The following DGKB variants were observed in gnomAD, a reference collection of about 807,000 sequenced individuals.
DGKB encodes 90 kDa diacylglycerol kinase.
DGKB carries 67 observed loss-of-function variants against 114.3 expected under a neutral mutation model. That is an observed-to-expected ratio of 0.59 (90% CI 0.48 to 0.72). The LOEUF (loss-of-function observed/expected upper bound fraction) is 0.72. Ranked by LOEUF, DGKB falls within the 30% of genes least tolerant of loss-of-function variation. DGKB has a pLI of 0.00. For synonymous variants in DGKB, 398 were observed against 323.1 expected (o/e 1.23, Z -2.49); for missense variants, 907 against 975.2 (o/e 0.93, Z 0.93).
At chr7:14,447,977 A>G (rs994523664) in intron 21 of DGKB, among the ~76,000 whole-genome samples, 3 of 152,124 alleles carry the variant, frequency 2.0e-5, no homozygotes, top group Admixed American at 6.6e-5. Flanking sequence ...AGACATTTCA[A>G]TCTCTTTAAA....
intron 1 of DGKB, among the ~76,000 whole-genome samples, chr7:14,842,027 C>G (rs1455338723): frequency 6.6e-6 from 1 of 152,184 alleles, no homozygotes; most frequent in Non-Finnish European, 1.5e-5. Flanking sequence ...AAATAAATCT[C>G]TAGGTTGTCA....
chr7:14,413,057 C>G (rs963298854), intron 21 of DGKB, among the ~76,000 whole-genome samples: 5 of 151,720 alleles, frequency 3.3e-5, no homozygotes, highest in African/African-American at 1.2e-4. Context: ...TGACAGCAGC[C>G]TGGACTAGGA....
Position 14,422,671 on chromosome 7 carries a change from A to G in DGKB, c.1835+55490T>C, listed in dbSNP as rs767408521. Reference sequence around the variant, plus strand: ...TTTTTGTTTGTTTTAGCAGTTAGCTAAAAAGTTTCCCAATTAAAACATTTT... The same window carrying G: ...TTTTTGTTTGTTTTAGCAGTTAGCTGAAAAGTTTCCCAATTAAAACATTTT... On this transcript the variant is annotated intron_variant, in intron 21 of 25. Coordinates refer to ENST00000402815, the MANE Select transcript of DGKB (RefSeq NM_001350709.2). 7.2e-5 allele frequency among the ~76,000 whole-genome samples: 11 copies of G among 151,944 alleles called. 1 individual carries two copies. Among genetic ancestry groups the G allele is most frequent in the Non-Finnish European group, 8.8e-5 (6 of 67,926 alleles).
chr7:14,435,186 A>T (rs940239404), intron 21 of DGKB, among the ~76,000 whole-genome samples: 1 of 152,144 alleles, frequency 6.6e-6, no homozygotes, highest in African/African-American at 2.4e-5. Context: ...TTTCTCCAGA[A>T]ATAAGCATTG....
intron 23 of DGKB, among the ~76,000 whole-genome samples, chr7:14,312,349 G>A (rs150833501): frequency 2.0e-5 from 3 of 152,234 alleles, no homozygotes; most frequent in African/African-American, 7.2e-5. Context: ...ATTTTTATAC[G>A]CATTGTGTTA....
intron 25 of DGKB, among the ~76,000 whole-genome samples, chr7:14,171,545 G>A (rs1426467307): frequency 6.6e-6 from 1 of 152,074 alleles, no homozygotes; most frequent in Non-Finnish European, 1.5e-5. Context: ...AGAGGGAAGT[G>A]GCCCAAAGAA....
intron 17 of DGKB, among the ~76,000 whole-genome samples, chr7:14,593,408 T>C (rs1203644428): frequency 6.6e-6 from 1 of 152,020 alleles, no homozygotes; most frequent in Non-Finnish European, 1.5e-5. Context: ...CCTAAATATT[T>C]TTCCTTTCTT....
chr7:14,418,404 T>C (rs570016991), intron 21 of DGKB, among the ~76,000 whole-genome samples: 2,303 of 147,308 alleles, frequency 0.016, 44 homozygotes, highest in South Asian at 0.033. Flanking sequence ...CACACACACA[T>C]ATATTCATGT....
chr7:14,667,969 C>T (rs944500879), intron 13 of DGKB, among the ~76,000 whole-genome samples: 2 of 151,960 alleles, frequency 1.3e-5, no homozygotes, highest in African/African-American at 4.8e-5. Context: ...GTTCAATTAT[C>T]CTTGATTTCT....
rs935920247 is a variant in DGKB at position 14,879,037 on chromosome 7, T to G, written c.-188+23555A>C. On this transcript the variant is annotated intron_variant, in intron 1 of 25. Coordinates refer to ENST00000402815, the MANE Select transcript of DGKB (RefSeq NM_001350709.2). Reference sequence around the variant, plus strand: ...GTGCTCAAAAACACATGCTTTTATGTTATAGTAAATTAAATACTCATGGTC... The same window carrying G: ...GTGCTCAAAAACACATGCTTTTATGGTATAGTAAATTAAATACTCATGGTC... Among the ~76,000 whole-genome samples the G allele has an allele frequency of 3.9e-5, 6 of 151,910 alleles. 1 individual carries two copies. The highest frequency in any genetic ancestry group is 1.5e-4 in the African/African-American group (6 of 41,182).
At chr7:14,154,952 G>A (rs529945255) in intron 25 of DGKB, among the ~76,000 whole-genome samples, 28 of 151,098 alleles carry the variant, frequency 1.9e-4, no homozygotes, top group African/African-American at 4.9e-4. Context: ...TAGTGTTTTA[G>A]TTCTCCAAAT....
chr7:14,542,034 T>C (rs1793548036), intron 20 of DGKB, among the ~76,000 whole-genome samples: 1 of 152,164 alleles, frequency 6.6e-6, no homozygotes, highest in Admixed American at 6.5e-5. Context: ...CAAATGTAAA[T>C]AGATTTTTTG....
intron 1 of DGKB, among the ~76,000 whole-genome samples, chr7:14,865,074 A>G (rs1851513605): frequency 9.8e-6 from 1 of 101,744 alleles, no homozygotes; most frequent in South Asian, 4.6e-4. Flanking sequence ...TAAAATTGTA[A>G]AGAATTGATG....
intron 21 of DGKB, among the ~76,000 whole-genome samples, chr7:14,457,549 G>T (rs1198103939): frequency 6.6e-6 from 1 of 152,170 alleles, no homozygotes; most frequent in African/African-American, 2.4e-5. Context: ...ACTGATCTCA[G>T]TTCCAACTAG....
chr7:14,522,959 AC>A (rs1483432275), intron 20 of DGKB, among the ~76,000 whole-genome samples: 1 of 152,212 alleles, frequency 6.6e-6, no homozygotes, highest in Non-Finnish European at 1.5e-5. Flanking sequence ...AAAGTTAATG[AC>A]CAAGTTGAAT....
intron 1 of DGKB, among the ~76,000 whole-genome samples, chr7:14,972,357 G>A (rs868420557): frequency 1.3e-5 from 2 of 152,124 alleles, no homozygotes; most frequent in Middle Eastern, 3.4e-3. Flanking sequence ...GTGACTAACA[G>A]AGATTATGCT....
At chr7:14,528,957 T>C (rs1157610499) in intron 20 of DGKB, among the ~76,000 whole-genome samples, 1 of 151,936 alleles carries the variant, frequency 6.6e-6, no homozygotes, top group Non-Finnish European at 1.5e-5. Context: ...CAGAATTTGG[T>C]CTACTGCACT....
chr7:14,781,255 T>C (rs983390868), intron 2 of DGKB, among the ~76,000 whole-genome samples: 5 of 152,188 alleles, frequency 3.3e-5, no homozygotes, highest in African/African-American at 1.2e-4. Flanking sequence ...CTTTTGTGTA[T>C]TTCACTCCTA....
chr7:14,440,798 T>C (rs908680240), intron 21 of DGKB, among the ~76,000 whole-genome samples: 4 of 152,192 alleles, frequency 2.6e-5, no homozygotes. Context: ...TACTGACAAG[T>C]TGCTCTTCAA....
Sources: allele counts gnomAD v4.1 joint callset (sites outside exome capture counted in the v4.1 genomes callset), GRCh38; gene constraint gnomAD v4.1.1; transcripts MANE v1.5; gene names NCBI Gene and HGNC (gene_info 2026-07-23, HGNC 2026-07-21).